Variants in PCDHA5 observed in about 807,000 individuals in gnomAD.
PCDHA5 encodes protocadherin alpha-5.
In PCDHA5, 43 loss-of-function variants were observed where a neutral mutation model predicts 61.6. That is an observed-to-expected ratio of 0.70 (90% CI 0.55 to 0.90). The LOEUF is 0.90. PCDHA5 is among the 40% of genes least tolerant of loss of function. The probability of loss-of-function intolerance (pLI) is 0.00; values close to 1 mark genes in which losing one functional copy is unlikely to be tolerated. For missense variants in PCDHA5, 1,298 were observed against 1,222.7 expected, an observed-to-expected ratio of 1.06 and a Z score of -0.92; for synonymous variants, 627 against 543.9, an observed-to-expected ratio of 1.15 and a Z score of -2.13.
At chr5:140,999,766 A>G (rs1417826824) in intron 3 of PCDHA5, among the ~76,000 whole-genome samples, 2 of 152,180 alleles carry the variant, frequency 1.3e-5, no homozygotes, top group African/African-American at 2.4e-5. Flanking sequence ...TGATGTCTTT[A>G]TACTCTTAAC....
intron 1 of PCDHA5, chr5:140,861,660 G>A: frequency 3.7e-6 from 1 of 269,190 alleles, no homozygotes; most frequent in Non-Finnish European, 7.4e-6. Context: ...TCTGAAACGA[G>A]AGCTCTTGAT....
At chr5:140,971,958 C>CT (rs1176007834) in intron 1 of PCDHA5, among the ~76,000 whole-genome samples, 3 of 152,054 alleles carry the variant, frequency 2.0e-5, no homozygotes, top group African/African-American at 4.8e-5. Context: ...ACTCCAAAAA[C>CT]TTTTTTTCAA....
intron 3 of PCDHA5, among the ~76,000 whole-genome samples, chr5:140,996,644 A>G (rs2097736322): frequency 6.6e-6 from 1 of 152,144 alleles, no homozygotes; most frequent in Non-Finnish European, 1.5e-5. Flanking sequence ...TATGTAGTTA[A>G]TCCTGGGTGC....
intron 1 of PCDHA5, chr5:140,870,574 T>C (rs1429082420): frequency 6.2e-7 from 1 of 1,613,934 alleles, no homozygotes; most frequent in Non-Finnish European, 8.5e-7. Flanking sequence ...GCTGGTGTCC[T>C]ACTCGCTGGT....
chr5:140,891,708 C>A (rs1422243783), intron 1 of PCDHA5, among the ~76,000 whole-genome samples: 1 of 152,182 alleles, frequency 6.6e-6, no homozygotes, highest in Middle Eastern at 3.4e-3. Flanking sequence ...TGAATTTGTA[C>A]CCCCAAATTC....
chr5:140,947,035 A>T (rs2094072055), intron 1 of PCDHA5, among the ~76,000 whole-genome samples: 1 of 151,748 alleles, frequency 6.6e-6, no homozygotes, highest in Admixed American at 6.6e-5. Flanking sequence ...GGATATACTA[A>T]TTACCCTGAT....
intron 1 of PCDHA5, chr5:140,857,572 G>C: frequency 6.3e-7 from 1 of 1,596,716 alleles, no homozygotes; most frequent in Non-Finnish European, 8.6e-7. Flanking sequence ...GCTACGTGTC[G>C]GTGCACGCGG....
chr5:140,910,058 T>A (rs571957156), intron 1 of PCDHA5, among the ~76,000 whole-genome samples: 5 of 152,344 alleles, frequency 3.3e-5, no homozygotes, highest in African/African-American at 9.6e-5. Flanking sequence ...TAAGTGATCT[T>A]TTAACAGCGT....
chr5:140,828,490 C>T (rs1338028540), intron 1 of PCDHA5: 1 of 1,614,054 alleles, frequency 6.2e-7, no homozygotes, highest in Non-Finnish European at 8.5e-7. Context: ...CGCCCTTGTT[C>T]CCGGTAGAGG....
intron 1 of PCDHA5, chr5:140,857,623 G>T (rs1554150390): frequency 2.5e-6 from 4 of 1,596,656 alleles, no homozygotes; most frequent in Non-Finnish European, 8.6e-7. Flanking sequence ...TGGACCACGA[G>T]GAGCTGGAGC....
intron 1 of PCDHA5, among the ~76,000 whole-genome samples, chr5:140,938,353 C>G (rs2092034112): frequency 6.6e-6 from 1 of 152,138 alleles, no homozygotes; most frequent in Admixed American, 6.5e-5. Flanking sequence ...TGTCTTATTC[C>G]TGGTCTCAGA....
chr5:140,869,885 T>C (rs2051479155), intron 1 of PCDHA5: 7 of 1,610,426 alleles, frequency 4.3e-6, no homozygotes, highest in South Asian at 1.1e-5. Context: ...GAAACTCTTG[T>C]GCTCAAACTA....
intron 1 of PCDHA5, among the ~76,000 whole-genome samples, chr5:140,910,495 T>C (rs782513326): frequency 1.3e-5 from 2 of 152,176 alleles, no homozygotes; most frequent in Non-Finnish European, 2.9e-5. Flanking sequence ...AGAAGAGCAA[T>C]CACAAAGCTC....
At chr5:140,839,581 G>GTAA (rs1206355864) in intron 1 of PCDHA5, among the ~76,000 whole-genome samples, 1 of 151,754 alleles carries the variant, frequency 6.6e-6, no homozygotes, top group Non-Finnish European at 1.5e-5. Flanking sequence ...GTAGAGATGG[G>GTAA]GTCTTACCAT....
chr5:140,967,998 G>A lies in PCDHA5; in HGVS notation c.2353-10951G>A, dbSNP rs1554230183. The A allele has an allele frequency of 1.9e-6, 3 of 1,614,040 alleles. No individual in the cohort carries two copies. Among genetic ancestry groups the A allele is most frequent in the African/African-American group, 1.3e-5 (1 of 74,916 alleles). The stretch of plus-strand genomic sequence containing the variant: ...GGTCTGGAGGCCACACTGCCTTTCC[G>A]ACTGAATGGCTTTGGAAACTCCTAT... On this transcript the variant is annotated intron_variant, in intron 1 of 3. Transcript: ENST00000529859.
chr5:140,927,313 G>A (rs1229449253), intron 1 of PCDHA5: 6 of 1,614,074 alleles, frequency 3.7e-6, no homozygotes, highest in Admixed American at 3.3e-5. Context: ...GACGCCCGGA[G>A]CCCGCTTTAC....
intron 1 of PCDHA5, among the ~76,000 whole-genome samples, chr5:140,919,033 G>T (rs149900813): frequency 6.6e-6 from 1 of 152,282 alleles, no homozygotes; most frequent in African/African-American, 2.4e-5. Flanking sequence ...CTGCCTAGTT[G>T]TTGTCCATTA....
Position 140,883,556 on chromosome 5 carries a change from G to C in PCDHA5, c.2352+59429G>C, listed in dbSNP as rs144498761. ...TGAACTGGTGGTGACCGCGCGGGAC[G>C]GGGGCTCGCCTTCGCTGTGGGCCAC... On this transcript the variant is annotated intron_variant, in intron 1 of 3. Transcript: ENST00000529859. The C allele has an allele frequency of 2.1e-4, 339 of 1,614,184 alleles. 1 individual carries two copies. In the Middle Eastern group the frequency reaches 8.9e-3, roughly 42 times the overall value.
chr5:140,869,137 C>G, intron 1 of PCDHA5: 3 of 1,613,116 alleles, frequency 1.9e-6, no homozygotes, highest in African/African-American at 1.3e-5. Context: ...ATTGGGCACC[C>G]CACGACTACA....
Sources: allele counts gnomAD v4.1 joint callset (sites outside exome capture counted in the v4.1 genomes callset), GRCh38; gene constraint gnomAD v4.1.1; transcripts MANE v1.5; gene names NCBI Gene and HGNC (gene_info 2026-07-23, HGNC 2026-07-21).